Variants in HLCS observed in about 807,000 individuals in gnomAD.
The protein encoded by HLCS is holocarboxylase synthetase.
HLCS carries 53 observed loss-of-function variants against 75.0 expected under a neutral mutation model. The ratio of observed to expected loss-of-function variants is 0.71; its 90% CI spans 0.57 to 0.89. The LOEUF is 0.89. HLCS is among the 40% of genes least tolerant of loss of function. HLCS has a pLI of 0.00. For missense variants in HLCS, 966 were observed against 1,074.0 expected, an observed-to-expected ratio of 0.90 and a Z score of 1.41; for synonymous variants, 431 against 428.6, an observed-to-expected ratio of 1.01 and a Z score of -0.07.
At chr21:36,830,285 C>A (rs1049324623) in intron 6 of HLCS, among the ~76,000 whole-genome samples, 1 of 152,170 alleles carries the variant, frequency 6.6e-6, no homozygotes, top group Admixed American at 6.5e-5. Flanking sequence ...TGAAGCTACC[C>A]CAGGCTGTGG....
At chr21:36,984,700 A>C (rs1040706921) in intron 1 of HLCS, among the ~76,000 whole-genome samples, 11 of 152,208 alleles carry the variant, frequency 7.2e-5, no homozygotes, top group Non-Finnish European at 4.4e-5. Flanking sequence ...TAATGGGTAC[A>C]ATGTACATGA....
intron 5 of HLCS, among the ~76,000 whole-genome samples, chr21:36,915,355 G>A (rs781367616): frequency 6.6e-6 from 1 of 152,214 alleles, no homozygotes; most frequent in Non-Finnish European, 1.5e-5. Flanking sequence ...TAAAATATAT[G>A]TTACCTGGAA....
At chr21:36,983,421 G>C (rs979540844) in intron 1 of HLCS, among the ~76,000 whole-genome samples, 4 of 151,816 alleles carry the variant, frequency 2.6e-5, no homozygotes, top group African/African-American at 7.3e-5. Flanking sequence ...ATGTTGGCCA[G>C]GCTGGTCTCG....
At chr21:36,962,272 G>C (rs1439939620) in intron 1 of HLCS, 102 bp from the exon 2 acceptor site, 3 of 763,350 alleles carry the variant, frequency 3.9e-6, no homozygotes, top group East Asian at 6.5e-5. Context: ...AATTCCAAGT[G>C]ACATGGAAAT....
rs564993240 is a variant in HLCS, at chr21:36,780,399, T to C, written c.1893-13114A>G. Among the ~76,000 whole-genome samples, 37 of 152,110 alleles carry C rather than the reference T, an allele frequency of 2.4e-4. No individual in the cohort carries two copies. In the South Asian group the frequency reaches 7.7e-3, roughly 32 times the overall value. On this transcript the variant is annotated intron_variant, in intron 6 of 10. Transcript: ENST00000674895. ...ACGCCTGGCTTTTTTTTTGTATTTT[T>C]AGTAGAGATGGGGTTTCACCATGTT... is the stretch of plus-strand genomic sequence containing the variant.
At chr21:36,960,521 C>A (rs1287469609) in intron 2 of HLCS, among the ~76,000 whole-genome samples, 1 of 152,208 alleles carries the variant, frequency 6.6e-6, no homozygotes, top group East Asian at 1.9e-4. Context: ...GATGCTCTGC[C>A]CGCTCCAGGG....
chr21:36,778,092 C>T (rs2060415698), intron 6 of HLCS, among the ~76,000 whole-genome samples: 1 of 152,092 alleles, frequency 6.6e-6, no homozygotes, highest in African/African-American at 2.4e-5. Flanking sequence ...CCTCAGCCTC[C>T]CAAGTAGCTG....
rs375399107 is a variant in HLCS at position 36,924,609 on chromosome 21, C to T, written c.1620+5642G>A. Among the ~76,000 whole-genome samples the T allele has an allele frequency of 8.5e-4, 130 of 152,246 alleles. 2 individuals carry two copies. The highest frequency in any genetic ancestry group is 3.1e-3 in the African/African-American group (128 of 41,552). The stretch of plus-strand genomic sequence containing the variant: ...AAAATACATAAGCCTCTTCACTGTC[C>T]TGTACGCCAGCTTCCTCTCCCGGGG... On this transcript the variant is annotated intron_variant, in intron 5 of 10. Transcript: ENST00000674895.
At chr21:36,888,445 A>AAAATAT (rs2064596202) in intron 6 of HLCS, among the ~76,000 whole-genome samples, 6 of 24,098 alleles carry the variant, frequency 2.5e-4, no homozygotes, top group Admixed American at 7.5e-4. Flanking sequence ...AAAAAAAAAA[A>AAAATAT]ATATATATAT....
chr21:36,794,742 A>C (rs1056795372), intron 6 of HLCS, among the ~76,000 whole-genome samples: 1 of 152,100 alleles, frequency 6.6e-6, no homozygotes, highest in Non-Finnish European at 1.5e-5. Context: ...GGAAGGAAGA[A>C]AGAGATGTGT....
At chr21:36,790,617 C>T (rs114676609) in intron 6 of HLCS, among the ~76,000 whole-genome samples, 1,841 of 152,242 alleles carry the variant, frequency 0.012, 30 homozygotes, top group African/African-American at 0.041. Flanking sequence ...CTTACGCTTC[C>T]GTGGCTCAAT....
At chr21:36,825,197 C>T (rs1048492439) in intron 6 of HLCS, among the ~76,000 whole-genome samples, 1 of 152,072 alleles carries the variant, frequency 6.6e-6, no homozygotes, top group Non-Finnish European at 1.5e-5. Flanking sequence ...GCCTGGACAA[C>T]ATAGTGAGAG....
At chr21:36,924,454 G>A (rs1343510111) in intron 5 of HLCS, among the ~76,000 whole-genome samples, 1 of 152,132 alleles carries the variant, frequency 6.6e-6, no homozygotes, top group African/African-American at 2.4e-5. Context: ...CAGCTACTTG[G>A]GAGGCTGAGG....
chr21:36,793,295 CTTTTTT>C lies in HLCS; in HGVS notation c.1893-26016_1893-26011del, dbSNP rs761549990. On this transcript the variant is annotated intron_variant, in intron 6 of 10. Transcript: ENST00000674895. ...AGAACACGGGACAGCAGGAAGCAGT[CTTTTTT>C]TTTTTTTTTTTTGAGATAGAGTCTC... Among the ~76,000 whole-genome samples the C allele has an allele frequency of 3.6e-4, 42 of 116,252 alleles. 1 individual carries two copies. The highest frequency in any genetic ancestry group is 1.2e-3 in the African/African-American group (38 of 31,154). The allele number at this position is 116,252 out of a possible 152,430, so 76.3% of individuals were successfully genotyped here.
At chr21:36,783,865 T>A (rs1405046473) in intron 6 of HLCS, among the ~76,000 whole-genome samples, 2 of 149,930 alleles carry the variant, frequency 1.3e-5, no homozygotes, top group Admixed American at 1.3e-4. Flanking sequence ...ACACACACAC[T>A]TGATTGCCAC....
At chr21:36,785,827 C>A (rs2060670489) in intron 6 of HLCS, among the ~76,000 whole-genome samples, 1 of 152,168 alleles carries the variant, frequency 6.6e-6, no homozygotes, top group African/African-American at 2.4e-5. Flanking sequence ...GACTCTGGAT[C>A]TCACCCACTC....
chr21:36,907,770 T>C lies in HLCS; in HGVS notation c.1621-10639A>G, dbSNP rs955425687. 5.0e-4 allele frequency among the ~76,000 whole-genome samples: 76 copies of C among 152,062 alleles called. 2 individuals are homozygous for C. Among genetic ancestry groups the C allele is most frequent in the Non-Finnish European group, 1.5e-5 (1 of 68,006 alleles). ...TCAGACAAAGGACTTGTATCCGGAA[T>C]ATAAAAAAGAAGTCTTAAAATTGTA... is the stretch of plus-strand genomic sequence containing the variant. On this transcript the variant is annotated intron_variant, in intron 5 of 10. Coordinates refer to ENST00000674895, the MANE Select transcript of HLCS (RefSeq NM_001352514.2).
rs891740979 is a variant in HLCS, at chr21:36,880,365, T to C, written c.1892+16495A>G. Among the ~76,000 whole-genome samples the C allele has an allele frequency of 2.0e-5, 3 of 152,190 alleles. No homozygotes were observed. The East Asian group carries it at 5.8e-4, about 29-fold the overall frequency. On this transcript the variant is annotated intron_variant, in intron 6 of 10. Transcript: ENST00000674895. ...TCTGAAACGAAGCTAGAGAAGGCAT[T>C]TTAATTGAGCTAAAAAACAAAACAA...
chr21:36,837,689 A>G (rs1025879429), intron 6 of HLCS, among the ~76,000 whole-genome samples: 2 of 152,236 alleles, frequency 1.3e-5, no homozygotes, highest in African/African-American at 4.8e-5. Flanking sequence ...AGTAAGATGC[A>G]CAGTGGTCAA....
Sources: allele counts gnomAD v4.1 joint callset (sites outside exome capture counted in the v4.1 genomes callset), GRCh38; gene constraint gnomAD v4.1.1; transcripts MANE v1.5; gene names NCBI Gene and HGNC (gene_info 2026-07-23, HGNC 2026-07-21).